CCDC17: variants seen among roughly 807,000 people sequenced by gnomAD.
The protein encoded by CCDC17 is coiled-coil domain-containing protein 17.
In CCDC17, 79 loss-of-function variants were observed where a neutral mutation model predicts 68.0. The ratio of observed to expected loss-of-function variants is 1.16; its 90% confidence interval spans 0.97 to 1.40. The LOEUF is 1.40. CCDC17 is among the 40% of genes most tolerant of loss of function. The pLI is 0.00. For synonymous variants in CCDC17, 376 were observed against 337.5 expected (o/e 1.11, Z -1.25); for missense variants, 846 against 811.5 (o/e 1.04, Z -0.52).
chr1:45,621,092 T>C lies in CCDC17; in HGVS notation c.1410A>G (p.Val470=), dbSNP rs769566960. 1.9e-6 allele frequency: 3 copies of C among 1,613,714 alleles called. No homozygotes were observed. Among genetic ancestry groups the C allele is most frequent in the East Asian group, 2.2e-5 (1 of 44,876 alleles). ...PVPRLPPSSS[V]SLVCELQVWQ... ...AGACCTGCAGCTCACAGACCAAAGA[T>C]ACTGATGATGAGGGTGGTAGTCTGT... Residue 470 remains valine, a synonymous_variant, in exon 11 of 13, where the codon GTA becomes GTG. Coordinates refer to ENST00000528266, the MANE Select transcript of CCDC17 (RefSeq NM_001114938.3).
chr1:45,623,134 C>A lies in CCDC17; in HGVS notation c.494-17G>T, dbSNP rs1483969605. On this transcript the variant is annotated splice_polypyrimidine_tract_variant and intron_variant, in intron 3 of 12. Coordinates refer to ENST00000528266, the MANE Select transcript of CCDC17 (RefSeq NM_001114938.3). ...GGCTCAGTTCTGAGGGAATGCGGGCCGAGTCAGAACCGGCCCGAGCAAGCT... is the reference window on the plus strand; with the variant it reads ...GGCTCAGTTCTGAGGGAATGCGGGCAGAGTCAGAACCGGCCCGAGCAAGCT... The A allele has an allele frequency of 1.3e-6, 2 of 1,542,344 alleles. No individual in the cohort carries two copies. Among genetic ancestry groups the A allele is most frequent in the East Asian group, 4.9e-5 (2 of 41,136 alleles).
intron 2 of CCDC17, 22 bp downstream of exon 2, chr1:45,623,534 TG>T: frequency 6.5e-7 from 1 of 1,548,392 alleles, no homozygotes. Context: ...TTTTGAGCCC[TG>T]GGGGAAGGTA....
In CCDC17 at chr1:45,620,425, G is replaced by A; in HGVS notation, c.1719C>T (p.Ser573=). The A allele has an allele frequency of 1.3e-6, 2 of 1,579,284 alleles. No homozygotes were observed. Among genetic ancestry groups the A allele is most frequent in the Non-Finnish European group, 1.7e-6 (2 of 1,165,918 alleles). ...GGAAGCTGGCTTCCAGTGAAGATGT[G>A]CTGGACACCTGTGGAACAGGAGAAG... ...HEYQYPPPVS[S]TSSLEASFLT... Residue 573 remains serine, a synonymous_variant, in exon 13 of 13, where the codon AGC becomes AGT. Transcript: ENST00000528266.
In CCDC17 at chr1:45,622,392, C is replaced by T. The variant is rs1382325388; in HGVS notation, c.860-44G>A. ...ACCTGTCACCTTTGACCTCTGGTGA[C>T]TGGCCGCGTCCGGCTGTGAGCAGCT... On this transcript the variant is annotated intron_variant, in intron 6 of 12. Coordinates refer to ENST00000528266, the MANE Select transcript of CCDC17 (RefSeq NM_001114938.3). 4 of 1,559,912 alleles carry T rather than the reference C, an allele frequency of 2.6e-6. No individual in the cohort carries two copies. The African/African-American group carries it at 5.5e-5, about 21-fold the overall frequency.
chr1:45,622,092 C>T (rs1264517125), intron 7 of CCDC17, 97 bp from the exon 8 acceptor site: 4 of 1,370,564 alleles, frequency 2.9e-6, no homozygotes, highest in Non-Finnish European at 4.1e-6. Context: ...AATGGGTTGG[C>T]GGAGCCCTGT....
At chr1:45,622,203 G>T in intron 7 of CCDC17, 38 bp downstream of exon 7, 1 of 1,568,970 alleles carries the variant, frequency 6.4e-7, no homozygotes, top group Non-Finnish European at 8.7e-7. Context: ...GCTGGGGAGA[G>T]ATAAGTGGGA....
At chr1:45,622,908 C>A in intron 4 of CCDC17, 47 bp downstream of exon 4, 1 of 1,578,714 alleles carries the variant, frequency 6.3e-7, no homozygotes, top group Non-Finnish European at 8.6e-7. Flanking sequence ...CCCGCCCCTC[C>A]CACCCCGGAG....
rs1286149903 is a variant in CCDC17, at chr1:45,623,901, G to GGA, written c.7_8dup (p.His4ProfsTer24). On this transcript the variant is annotated frameshift_variant, in exon 1 of 13. Coordinates refer to ENST00000528266, the MANE Select transcript of CCDC17 (RefSeq NM_001114938.3). LOFTEE classifies it high-confidence loss of function. ...GCAGGAGCGCAGGCTCCCCAGAGTG[G>GGA]GAGTCCATGGGATGGGACCCGTTTC... 4.6e-6 allele frequency: 7 copies of GGA among 1,516,286 alleles called. No homozygotes were observed. The highest frequency in any genetic ancestry group is 6.2e-6 in the Non-Finnish European group (7 of 1,132,396). 93.9% of individuals were successfully genotyped at this position (1,516,286 alleles called of 1,614,324 possible).
At chr1:45,622,900 C>A (rs953669718) in intron 4 of CCDC17, 55 bp downstream of exon 4, 36 of 1,572,808 alleles carry the variant, frequency 2.3e-5, no homozygotes, top group East Asian at 9.4e-5. Flanking sequence ...GCAGCCAGCC[C>A]GCCCCTCCCA....
In CCDC17 at chr1:45,623,200, T is replaced by C; in HGVS notation, c.493+17A>G. 1 of 1,541,228 alleles carries C rather than the reference T, an allele frequency of 6.5e-7. No homozygotes were observed. Among genetic ancestry groups the C allele is most frequent in the Non-Finnish European group, 8.8e-7 (1 of 1,142,768 alleles). ...GGGCAGAGGAGGTCCTTGGTCCCCG[T>C]CCCCCATCTCCTTCACCCTCGCCGC... is the stretch of plus-strand genomic sequence containing the variant. On this transcript the variant is annotated intron_variant, in intron 3 of 12. Transcript: ENST00000528266.
In CCDC17 at chr1:45,620,298, CAG is replaced by C; in HGVS notation, c.1844_1845del (p.Ser615Ter). The C allele has an allele frequency of 6.2e-7, 1 of 1,610,426 alleles. No homozygotes were observed. Among genetic ancestry groups the C allele is most frequent in the Non-Finnish European group, 8.5e-7 (1 of 1,178,876 alleles). ...RDEGLGPHHS[S>X]DLPPVSF ...GTTCAGAAACTCACTGGGGGCAAGTCAGAACTGTGGTGAGGGCCCAAACCCTC... is the reference window on the plus strand; with the variant it reads ...GTTCAGAAACTCACTGGGGGCAAGTCAACTGTGGTGAGGGCCCAAACCCTC... On this transcript the variant is annotated frameshift_variant, in exon 13 of 13. Transcript: ENST00000528266. LOFTEE classifies it high-confidence loss of function.
rs748994848 is a variant in CCDC17 at position 45,622,746 on chromosome 1, C to T, written c.740+5G>A. 7.6e-6 allele frequency: 12 copies of T among 1,586,608 alleles called. No individual in the cohort carries two copies. In the South Asian group the frequency reaches 1.4e-4, roughly 18 times the overall value. On this transcript the variant is annotated splice_donor_5th_base_variant and intron_variant, in intron 5 of 12. Transcript: ENST00000528266. ...CCTATGCCCATCTCCGGCCCCGGCT[C>T]TCACCGGATTTCGGCAGCCAGAGTT...
At chr1:45,620,596 G>A in intron 12 of CCDC17, 127 bp downstream of exon 12, 2 of 1,504,600 alleles carry the variant, frequency 1.3e-6, no homozygotes, top group Non-Finnish European at 1.8e-6. Context: ...TCATAGAGAT[G>A]TGAGGATCAA....
Position 45,623,954 on chromosome 1 carries a change from G to A in CCDC17, c.-45C>T, listed in dbSNP as rs1193108791. 1 of 1,349,564 alleles carries A rather than the reference G, an allele frequency of 7.4e-7. No homozygotes were observed. Among genetic ancestry groups the A allele is most frequent in the African/African-American group, 1.5e-5 (1 of 67,724 alleles). 83.6% of individuals were successfully genotyped at this position (1,349,564 alleles called of 1,614,324 possible). ...GAAACCAGCCAAGACCTGCAGAAGG[G>A]ATCAAGGGCAGGGGAAAGGCAGAGG... On this transcript the variant is annotated 5_prime_UTR_variant, in exon 1 of 13. Transcript: ENST00000528266.
At chr1:45,622,498 C>T in intron 6 of CCDC17, 51 bp downstream of exon 6, 3 of 1,526,860 alleles carry the variant, frequency 2.0e-6, no homozygotes, top group Non-Finnish European at 2.7e-6. Context: ...CCCTCGAGTT[C>T]TTTTCTCCTC....
chr1:45,623,150 C>G (rs1048439590), intron 3 of CCDC17, 33 bp from the exon 4 acceptor site: 1 of 1,538,392 alleles, frequency 6.5e-7, no homozygotes, highest in Non-Finnish European at 8.8e-7. Flanking sequence ...AGAACCGGCC[C>G]GAGCAAGCTT....
At position 45,623,085 on chromosome 1, in the gene CCDC17, T is replaced by A; in HGVS notation, c.526A>T (p.Thr176Ser). ...LSRRLQVVAC[T>S]RGGMSRLFGL... ...AAGAGGCGGGACATCCCGCCCCGCG[T>A]ACAGGCCACAACTTGGAGGCGTCGG... Residue 176 changes from threonine (T) to serine (S), a missense_variant, in exon 4 of 13, where the codon ACG becomes TCG. Coordinates refer to ENST00000528266, the MANE Select transcript of CCDC17 (RefSeq NM_001114938.3). The A allele has an allele frequency of 6.3e-7, 1 of 1,594,990 alleles. No homozygotes were observed. The highest frequency in any genetic ancestry group is 8.5e-7 in the Non-Finnish European group (1 of 1,171,510).
chr1:45,623,591 G>A lies in CCDC17; in HGVS notation c.236C>T (p.Ala79Val). 3.9e-6 allele frequency: 6 copies of A among 1,550,806 alleles called. No homozygotes were observed. Among genetic ancestry groups the A allele is most frequent in the Non-Finnish European group, 5.2e-6 (6 of 1,146,994 alleles). ...TAACCTCTTTAGAGCAGATCTACTGGCCTGCTGGTCTGGGAGGCCCTGGGG... is the reference window on the plus strand; with the variant it reads ...TAACCTCTTTAGAGCAGATCTACTGACCTGCTGGTCTGGGAGGCCCTGGGG... ...QEPQGLPDQQ[A>V]SRSALKRLTE... The change falls in exon 2 of 13, where the codon GCC becomes GTC. Residue 79 changes from alanine to valine, a missense_variant. Coordinates refer to ENST00000528266, the MANE Select transcript of CCDC17 (RefSeq NM_001114938.3).
chr1:45,623,306 C>A lies in CCDC17; in HGVS notation c.404G>T (p.Ser135Ile). The change falls in exon 3 of 13, where the codon AGC becomes ATC. Residue 135 changes from serine to isoleucine, a missense_variant. By Grantham distance (142) the Ser-to-Ile change is moderately radical. Transcript: ENST00000528266. ...SPMSEAVGSP[S>I]ERLRALFRTR... The stretch of plus-strand genomic sequence containing the variant: ...CCTGAACAGCGCCCGCAGCCGCTCG[C>A]TGGGGCTTCCCACCGCCTCGGACAT... 1.9e-6 allele frequency: 3 copies of A among 1,549,852 alleles called. No homozygotes were observed. The highest frequency in any genetic ancestry group is 2.6e-6 in the Non-Finnish European group (3 of 1,146,892).
Sources: allele counts gnomAD v4.1 joint callset, GRCh38; gene constraint gnomAD v4.1.1; transcripts MANE v1.5; gene names NCBI Gene and HGNC (gene_info 2026-07-23, HGNC 2026-07-21).